The following DNMT1 variants were observed in gnomAD, a reference collection of about 807,000 sequenced individuals.
The protein encoded by DNMT1 is DNA methyltransferase 1, also known as DNA (cytosine-5)-methyltransferase 1.
DNMT1 carries 24 observed loss-of-function variants against 205.3 expected under a neutral mutation model. That is an observed-to-expected ratio of 0.12 (90% CI 0.08 to 0.16). The LOEUF (loss-of-function observed/expected upper bound fraction) is 0.16, where lower values mean the gene tolerates loss of function less well. Among genes scored for constraint, DNMT1 ranks in the 10% least tolerant of loss-of-function variants. The probability of loss-of-function intolerance (pLI) is 1.00; values close to 1 mark genes in which losing one functional copy is unlikely to be tolerated. For synonymous variants in DNMT1, 817 were observed against 839.8 expected, an observed-to-expected ratio of 0.97 and a Z score of 0.47; for missense variants, 1,293 against 2,177.7, an observed-to-expected ratio of 0.59 and a Z score of 8.09.
chr19:10,189,046 T>C (rs1015042002), intron 1 of DNMT1, among the ~76,000 whole-genome samples: 23 of 152,204 alleles, frequency 1.5e-4, no homozygotes, highest in African/African-American at 5.5e-4. Context: ...AATAAATGTA[T>C]GTCCTTTAAG....
chr19:10,189,846 C>T (rs941553429), intron 1 of DNMT1, among the ~76,000 whole-genome samples: 5 of 152,148 alleles, frequency 3.3e-5, no homozygotes, highest in Admixed American at 2.0e-4. Context: ...CACAGTACCA[C>T]GTAATAACCA....
At chr19:10,135,280 G>T (rs2089454444) in intron 39 of DNMT1, among the ~76,000 whole-genome samples, 1 of 150,890 alleles carries the variant, frequency 6.6e-6, no homozygotes, top group African/African-American at 2.4e-5. Flanking sequence ...GGGGTGAAAT[G>T]TGGTTTTCAC....
chr19:10,135,378 T>TA (rs1415877698), intron 39 of DNMT1: 2 of 359,880 alleles, frequency 5.6e-6, no homozygotes, highest in African/African-American at 4.2e-5. Flanking sequence ...ACTAACTTGT[T>TA]AAGCCAACCC....
In DNMT1 at chr19:10,137,297, G is replaced by C; in HGVS notation, c.4294-17C>G. On this transcript the variant is annotated splice_polypyrimidine_tract_variant and intron_variant, in intron 36 of 40. Transcript: ENST00000359526. The surrounding 1 kb of genome is among the most constrained non-coding windows in gnomAD (Gnocchi z 6.4). The stretch of plus-strand genomic sequence containing the variant: ...ACTCATGTCCTGAAAGAGTGTGGGG[G>C]GCCCAGCTGTCACCTCATGTGAGCA... 6.3e-7 allele frequency: 1 copy of C among 1,592,906 alleles called. No individual in the cohort carries two copies. Among genetic ancestry groups the C allele is most frequent in the Non-Finnish European group, 8.5e-7 (1 of 1,171,518 alleles).
chr19:10,163,036 C>T, intron 12 of DNMT1: 1 of 545,356 alleles, frequency 1.8e-6, no homozygotes. Flanking sequence ...GCAATCTTGG[C>T]TCACTGCAAC....
chr19:10,154,396 A>G lies in DNMT1; in HGVS notation c.1916T>C (p.Leu639Pro). 4 of 1,614,236 alleles carry G rather than the reference A, an allele frequency of 2.5e-6. No individual in the cohort carries two copies. The highest frequency in any genetic ancestry group is 3.4e-6 in the Non-Finnish European group (4 of 1,180,042). Residue 639 changes from leucine to proline, a missense_variant, in exon 22 of 41, where the codon CTG becomes CCG. This residue lies in a region of DNMT1 where 197 missense variants were observed against 353.6 expected (regional missense o/e 0.56). Transcript: ENST00000359526. The surrounding 1 kb of genome is among the most constrained non-coding windows in gnomAD (Gnocchi z 6.3). The part of the protein sequence containing the change: ...RGPTKATTTK[L>P]VYQIFDTFFA... ...GAAAGTATCGAAGATCTGGTAGACCAGCTTGGTGGTGGTGGCTTTCGTGGG... is the reference window on the plus strand; with the variant it reads ...GAAAGTATCGAAGATCTGGTAGACCGGCTTGGTGGTGGTGGCTTTCGTGGG...
At chr19:10,190,240 A>G (rs1400308145) in intron 1 of DNMT1, among the ~76,000 whole-genome samples, 1 of 152,190 alleles carries the variant, frequency 6.6e-6, no homozygotes, top group African/African-American at 2.4e-5. Context: ...GGAGTCTGCT[A>G]GCATCAGTGT....
At chr19:10,179,126 CA>C (rs1000467616) in intron 5 of DNMT1, among the ~76,000 whole-genome samples, 8,115 of 65,136 alleles carry the variant, frequency 0.12, 135 homozygotes, top group Non-Finnish European at 0.16. Flanking sequence ...GACTCCATCT[CA>C]AAAAAAAAAA....
intron 5 of DNMT1, among the ~76,000 whole-genome samples, chr19:10,177,728 C>T (rs569989205): frequency 2.0e-5 from 3 of 151,962 alleles, no homozygotes; most frequent in African/African-American, 4.8e-5. Context: ...CTCAGGTATT[C>T]GAGAACAGCC....
chr19:10,163,282 A>G, intron 12 of DNMT1, 44 bp downstream of exon 12: 1 of 1,610,236 alleles, frequency 6.2e-7, no homozygotes, highest in Non-Finnish European at 8.5e-7. Context: ...CAGGCTTTCT[A>G]CTGATCCAGA....
chr19:10,138,082 C>T lies in DNMT1; in HGVS notation c.4116-73G>A. 1 of 1,522,852 alleles carries T rather than the reference C, an allele frequency of 6.6e-7. No homozygotes were observed. Among genetic ancestry groups the T allele is most frequent in the Non-Finnish European group, 8.9e-7 (1 of 1,123,300 alleles). 94.3% of individuals were successfully genotyped at this position (1,522,852 alleles called of 1,614,324 possible). On this transcript the variant is annotated intron_variant, in intron 35 of 40. Transcript: ENST00000359526. This position sits in a 1 kb window ranked among gnomAD's most constrained non-coding sequence, Gnocchi z 4.1. ...TGTCCCCTCATCACAGGTGCCACCC[C>T]CTGCCTGCTCAGATGGCCTTCTCCC...
chr19:10,139,442 C>T (rs1209363951), intron 34 of DNMT1, among the ~76,000 whole-genome samples: 1 of 152,266 alleles, frequency 6.6e-6, no homozygotes, highest in Non-Finnish European at 1.5e-5. Context: ...GTAGCCAGCC[C>T]TCCCAGGCAT....
At chr19:10,184,107 G>A (rs1441699256) in intron 1 of DNMT1, among the ~76,000 whole-genome samples, 1 of 152,158 alleles carries the variant, frequency 6.6e-6, no homozygotes, top group Non-Finnish European at 1.5e-5. Context: ...ACTCCCGTAA[G>A]GGAAATGACC....
At chr19:10,145,745 C>T (rs564063259) in intron 28 of DNMT1, among the ~76,000 whole-genome samples, 29 of 152,340 alleles carry the variant, frequency 1.9e-4, no homozygotes, top group African/African-American at 4.6e-4. Flanking sequence ...CAGTAGGGGA[C>T]GGAGAGGAGG....
In DNMT1 at chr19:10,146,410, G is replaced by A. The variant is rs539948794; in HGVS notation, c.2835C>T (p.Asn945=). Residue 945 remains asparagine (N), a synonymous_variant, in exon 28 of 41, where the codon AAC becomes AAT. Coordinates refer to ENST00000359526, the MANE Select transcript of DNMT1 (RefSeq NM_001130823.3). This position sits in a 1 kb window ranked among gnomAD's most constrained non-coding sequence, Gnocchi z 4.4. ...SRVLYYSATK[N]GILYRVGDGV... ...CATCACCAACTCGGTACAGGATGCC[G>A]TTCTTGGTGGCTGAGTAGTAGAGGA... 1.2e-5 allele frequency: 19 copies of A among 1,614,116 alleles called. No individual in the cohort carries two copies. The highest frequency in any genetic ancestry group is 3.3e-5 in the Admixed American group (2 of 60,008).
intron 27 of DNMT1, among the ~76,000 whole-genome samples, chr19:10,148,289 G>T (rs2038246863): frequency 6.6e-6 from 1 of 151,220 alleles, no homozygotes; most frequent in Non-Finnish European, 1.5e-5. Context: ...AAGGTCAGGA[G>T]ATCGAGACCA....
At position 10,138,146 on chromosome 19, in the gene DNMT1, G is replaced by A. The variant is rs1219784103; in HGVS notation, c.4116-137C>T. ...TGCCCGAGGTCACATGGGTGGCAGT[G>A]TGCCTGGATGCCATCTGGAAGGGGG... On this transcript the variant is annotated intron_variant, in intron 35 of 40. Coordinates refer to ENST00000359526, the MANE Select transcript of DNMT1 (RefSeq NM_001130823.3). The surrounding 1 kb of genome is among the most constrained non-coding windows in gnomAD (Gnocchi z 4.1). 2.6e-6 allele frequency: 3 copies of A among 1,173,096 alleles called. No individual in the cohort carries two copies. The highest frequency in any genetic ancestry group is 2.6e-5 in the East Asian group (1 of 39,100). The allele number at this position is 1,173,096 out of a possible 1,614,324, so 72.7% of individuals were successfully genotyped here. A position where few individuals can be genotyped will look rare whatever the true frequency, so the allele number is the denominator to read the frequency against.
At position 10,135,838 on chromosome 19, in the gene DNMT1, G is replaced by A. The variant is rs779173731; in HGVS notation, c.4671C>T (p.His1557=). The A allele has an allele frequency of 5.1e-6, 8 of 1,557,828 alleles. No homozygotes were observed. The highest frequency in any genetic ancestry group is 6.9e-6 in the Non-Finnish European group (8 of 1,153,768). Residue 1557 remains histidine, a synonymous_variant, in exon 39 of 41, where the codon CAC becomes CAT. Coordinates refer to ENST00000359526, the MANE Select transcript of DNMT1 (RefSeq NM_001130823.3). ...EPMGKQGRVL[H]PEQHRVVSVR... ...CGCTCACCACACGGTGCTGCTCTGG[G>A]TGGAGCACGCGGCCCTGGGGGAAAG...
intron 9 of DNMT1, among the ~76,000 whole-genome samples, chr19:10,171,967 TC>T (rs1680415416): frequency 6.7e-6 from 1 of 149,344 alleles, no homozygotes; most frequent in African/African-American, 2.5e-5. Context: ...AGATCGCACC[TC>T]TGCACTCCAG....
Sources: allele counts gnomAD v4.1 joint callset (sites outside exome capture counted in the v4.1 genomes callset), GRCh38; gene constraint gnomAD v4.1.1; regional missense constraint gnomAD v4.1.1; non-coding constraint Gnocchi (gnomAD v3.1); transcripts MANE v1.5; gene names NCBI Gene and HGNC (gene_info 2026-07-23, HGNC 2026-07-21).